TNKS: variants seen among roughly 807,000 people sequenced by gnomAD.
TNKS encodes the protein tankyrase, also known as poly [ADP-ribose] polymerase tankyrase-1.
In TNKS, 72 loss-of-function variants were observed where a neutral mutation model predicts 135.8. The ratio of observed to expected loss-of-function variants is 0.53; its 90% confidence interval spans 0.44 to 0.64. TNKS has a LOEUF of 0.64. TNKS is among the 30% of genes least tolerant of loss of function. The pLI is 0.00. For synonymous variants in TNKS, 849 were observed against 649.3 expected, an observed-to-expected ratio of 1.31 and a Z score of -4.68; for missense variants, 1,769 against 1,674.0, an observed-to-expected ratio of 1.06 and a Z score of -0.99.
intron 9 of TNKS, 25 bp downstream of exon 9, chr8:9,708,517 C>A: frequency 6.4e-7 from 1 of 1,551,828 alleles, no homozygotes; most frequent in Non-Finnish European, 8.7e-7. Flanking sequence ...TTAATCTATT[C>A]CCTGTGTCTA....
chr8:9,671,929 T>C (rs1337097052), intron 3 of TNKS, among the ~76,000 whole-genome samples: 2 of 152,198 alleles, frequency 1.3e-5, no homozygotes, highest in African/African-American at 4.8e-5. Context: ...AGTATGGTGA[T>C]GAAATCTCAC....
chr8:9,565,535 A>G (rs1017520157), intron 1 of TNKS, among the ~76,000 whole-genome samples: 1 of 152,200 alleles, frequency 6.6e-6, no homozygotes, highest in Non-Finnish European at 1.5e-5. Flanking sequence ...AAAAAACCTT[A>G]AAGCTATAGT....
rs564495238 is a variant in TNKS, at chr8:9,623,885, C to G, written c.994+8208C>G. Among the ~76,000 whole-genome samples, 5 of 151,926 alleles carry G rather than the reference C, an allele frequency of 3.3e-5. No individual in the cohort carries two copies. In the South Asian group the frequency reaches 1.0e-3, roughly 32 times the overall value. The stretch of plus-strand genomic sequence containing the variant: ...GGCGTGGTGGTGGGCGCCTGTAATC[C>G]CAGCCACTCCGGAGGGTGAGGCTGG... On this transcript the variant is annotated intron_variant, in intron 3 of 26. Transcript: ENST00000310430.
At chr8:9,601,781 A>G (rs1799025271) in intron 2 of TNKS, among the ~76,000 whole-genome samples, 1 of 152,206 alleles carries the variant, frequency 6.6e-6, no homozygotes, top group Non-Finnish European at 1.5e-5. Context: ...AAGGATACTT[A>G]GAGATCATCT....
intron 3 of TNKS, among the ~76,000 whole-genome samples, chr8:9,656,591 T>G (rs1377596878): frequency 6.7e-6 from 1 of 149,304 alleles, no homozygotes; most frequent in African/African-American, 2.5e-5. Context: ...ATATTCAACA[T>G]TCTTAAAGAA....
chr8:9,754,784 C>A (rs1318069020), intron 20 of TNKS, among the ~76,000 whole-genome samples: 1 of 152,066 alleles, frequency 6.6e-6, no homozygotes, highest in African/African-American at 2.4e-5. Flanking sequence ...ATCACAGGTG[C>A]CTTTGCGTCT....
Position 9,655,796 on chromosome 8 carries a change from A to G in TNKS, c.995-24155A>G, listed in dbSNP as rs184666926. 3.0e-4 allele frequency among the ~76,000 whole-genome samples: 46 copies of G among 152,276 alleles called. 1 individual carries two copies. The East Asian group carries it at 8.7e-3, about 29-fold the overall frequency. Reference sequence around the variant, plus strand: ...GATAAAACCACCAAGATGGGGAAAAACCAAAGCAGAAAAACCAGAAACTCT... The same window carrying G: ...GATAAAACCACCAAGATGGGGAAAAGCCAAAGCAGAAAAACCAGAAACTCT... On this transcript the variant is annotated intron_variant, in intron 3 of 26. Coordinates refer to ENST00000310430, the MANE Select transcript of TNKS (RefSeq NM_003747.3).
chr8:9,688,060 T>G (rs10081478), intron 5 of TNKS, among the ~76,000 whole-genome samples: 99,161 of 152,020 alleles, frequency 0.65, 32,600 homozygotes, highest in Middle Eastern at 0.74. Context: ...CGATGTCCCA[T>G]TTCTCCAACT....
intron 3 of TNKS, among the ~76,000 whole-genome samples, chr8:9,659,775 C>G (rs1020314181): frequency 6.6e-6 from 1 of 151,828 alleles, no homozygotes. Context: ...AAAAACCGTT[C>G]AAAAAAATCA....
intron 3 of TNKS, among the ~76,000 whole-genome samples, chr8:9,678,114 T>G (rs1008940457): frequency 1.3e-5 from 2 of 152,210 alleles, no homozygotes; most frequent in African/African-American, 2.4e-5. Flanking sequence ...TTCCTTGAGG[T>G]CAGAGATGAT....
intron 5 of TNKS, among the ~76,000 whole-genome samples, chr8:9,691,601 G>T (rs960619580): frequency 2.0e-5 from 3 of 152,132 alleles, no homozygotes; most frequent in African/African-American, 7.2e-5. Context: ...TTAACTTGCC[G>T]TGTTAATCAC....
intron 2 of TNKS, among the ~76,000 whole-genome samples, chr8:9,583,259 C>CT (rs946315806): frequency 1.3e-5 from 2 of 150,060 alleles, no homozygotes; most frequent in African/African-American, 4.9e-5. Context: ...AAAATTCAAA[C>CT]TGAGATTATT....
intron 14 of TNKS, among the ~76,000 whole-genome samples, chr8:9,731,460 CAAAA>C (rs36213271): frequency 4.4e-5 from 3 of 67,508 alleles, no homozygotes; most frequent in Non-Finnish European, 5.6e-5. Context: ...AATTCCATCT[CAAAA>C]AAAAAAAAAA....
chr8:9,614,319 A>G (rs142193369), intron 2 of TNKS, among the ~76,000 whole-genome samples: 3 of 152,232 alleles, frequency 2.0e-5, no homozygotes, highest in Non-Finnish European at 4.4e-5. Context: ...GAAATAACAC[A>G]GAAAGGCTTT....
chr8:9,706,106 A>T, intron 6 of TNKS, 81 bp from the exon 7 acceptor site: 1 of 891,892 alleles, frequency 1.1e-6, no homozygotes, highest in Non-Finnish European at 1.7e-6. Flanking sequence ...ATTGGGATTT[A>T]TTGGATTTTA....
At chr8:9,609,894 G>T (rs754819975) in intron 2 of TNKS, among the ~76,000 whole-genome samples, 73 of 151,940 alleles carry the variant, frequency 4.8e-4, no homozygotes, top group Non-Finnish European at 9.7e-4. Context: ...GTCTCGCTCT[G>T]TCGGCCAGGC....
intron 2 of TNKS, among the ~76,000 whole-genome samples, chr8:9,598,318 A>G (rs937187358): frequency 1.5e-4 from 23 of 152,092 alleles, no homozygotes; most frequent in African/African-American, 5.3e-4. Context: ...AAGTGCTGGG[A>G]TTACAGGTGT....
intron 25 of TNKS, 99 bp downstream of exon 25, chr8:9,766,524 T>G: frequency 8.6e-7 from 1 of 1,163,418 alleles, no homozygotes; most frequent in South Asian, 2.3e-5. Flanking sequence ...CTTGCTCTTG[T>G]CACCCAGGCT....
At chr8:9,606,029 AT>A (rs1799204301) in intron 2 of TNKS, among the ~76,000 whole-genome samples, 1 of 150,440 alleles carries the variant, frequency 6.6e-6, no homozygotes, top group Non-Finnish European at 1.5e-5. Flanking sequence ...GGTCATGAAG[AT>A]TTTTCTTTCA....
Sources: gnomAD v4.1 joint callset for allele counts (sites outside exome capture counted in the v4.1 genomes callset) on GRCh38, gnomAD v4.1.1 for gene constraint, MANE v1.5 for transcripts, NCBI Gene and HGNC (gene_info 2026-07-23, HGNC 2026-07-21) for gene names.